PDE4D: variants seen among roughly 807,000 people sequenced by gnomAD.
PDE4D encodes the protein phosphodiesterase 4D.
PDE4D carries 24 observed loss-of-function variants against 87.4 expected under a neutral mutation model. That is an observed-to-expected ratio of 0.27 (90% confidence interval 0.20 to 0.39). PDE4D has a LOEUF of 0.39. Among genes scored for constraint, PDE4D ranks in the 10% least tolerant of loss-of-function variants. PDE4D has a pLI of 1.00. For synonymous variants in PDE4D, 384 were observed against 383.2 expected (o/e 1.00, Z -0.02); for missense variants, 714 against 1,041.0 (o/e 0.69, Z 4.32).
chr5:59,232,844 A>G (rs1343184994), intron 1 of PDE4D, among the ~76,000 whole-genome samples: 1 of 152,068 alleles, frequency 6.6e-6, no homozygotes, highest in East Asian at 1.9e-4. Context: ...ACACATACAC[A>G]TACAATGGAA....
chr5:60,430,322 T>C, intron 1 of PDE4D: 1 of 453,558 alleles, frequency 2.2e-6, no homozygotes, highest in South Asian at 1.7e-5. Context: ...TATTCTTACA[T>C]CATAATCAGT....
intron 1 of PDE4D, among the ~76,000 whole-genome samples, chr5:59,562,294 T>C (rs1282668438): frequency 6.6e-6 from 1 of 152,240 alleles, no homozygotes; most frequent in Non-Finnish European, 1.5e-5. Context: ...TGCTTATTCT[T>C]ATGTTTATAA....
intron 1 of PDE4D, among the ~76,000 whole-genome samples, chr5:60,438,277 T>G (rs970345714): frequency 6.6e-6 from 1 of 152,056 alleles, no homozygotes; most frequent in Non-Finnish European, 1.5e-5. Flanking sequence ...AGCACACAGA[T>G]GAGAAAGAAG....
chr5:60,302,328 T>C (rs982763678), intron 1 of PDE4D, among the ~76,000 whole-genome samples: 6 of 152,226 alleles, frequency 3.9e-5, no homozygotes, highest in Admixed American at 3.9e-4. Flanking sequence ...GGTTACTTAC[T>C]ACTGTCTCAA....
At chr5:59,388,691 C>T (rs1787612817) in intron 1 of PDE4D, among the ~76,000 whole-genome samples, 1 of 138,742 alleles carries the variant, frequency 7.2e-6, no homozygotes. Context: ...AGAAGGAAAT[C>T]CATAATAACA....
intron 1 of PDE4D, among the ~76,000 whole-genome samples, chr5:59,709,759 GAA>G (rs1295656800): frequency 6.6e-6 from 1 of 152,116 alleles, no homozygotes; most frequent in African/African-American, 2.4e-5. Flanking sequence ...TGCTAAATGA[GAA>G]TCGCTGGGTG....
At chr5:59,870,076 A>G (rs1427745787) in intron 1 of PDE4D, among the ~76,000 whole-genome samples, 1 of 152,176 alleles carries the variant, frequency 6.6e-6, no homozygotes, top group African/African-American at 2.4e-5. Context: ...TGTTATCTGG[A>G]ATTTTCCATA....
chr5:59,256,522 T>C (rs988518631), intron 1 of PDE4D, among the ~76,000 whole-genome samples: 1 of 152,076 alleles, frequency 6.6e-6, no homozygotes, highest in African/African-American at 2.4e-5. Context: ...AATTATACCA[T>C]TTGAATTTGA....
chr5:60,200,649 A>G (rs1480310770), intron 1 of PDE4D, among the ~76,000 whole-genome samples: 1 of 152,136 alleles, frequency 6.6e-6, no homozygotes, highest in Non-Finnish European at 1.5e-5. Flanking sequence ...ATAAGATAGA[A>G]ATTTCAGTCC....
chr5:59,369,502 G>A (rs1188152342), intron 1 of PDE4D, among the ~76,000 whole-genome samples: 1 of 152,160 alleles, frequency 6.6e-6, no homozygotes. Flanking sequence ...AGGTGATGGA[G>A]AAGTGGGATA....
intron 3 of PDE4D, among the ~76,000 whole-genome samples, chr5:59,962,467 A>G (rs1759573643): frequency 6.6e-6 from 1 of 152,132 alleles, no homozygotes; most frequent in South Asian, 2.1e-4. Context: ...CAACATACAC[A>G]CCCACAAACA....
intron 1 of PDE4D, among the ~76,000 whole-genome samples, chr5:59,574,011 T>A (rs370559187): frequency 0.041 from 3,252 of 78,404 alleles, 196 homozygotes; most frequent in Admixed American, 0.079. Context: ...AAAAAATATA[T>A]ATATATATAT....
At chr5:60,344,323 T>C (rs1375908497) in intron 1 of PDE4D, among the ~76,000 whole-genome samples, 2 of 152,128 alleles carry the variant, frequency 1.3e-5, no homozygotes, top group African/African-American at 4.8e-5. Flanking sequence ...TATACTTCAG[T>C]CAATAACAAT....
chr5:59,535,074 TGTGG>T lies in PDE4D; in HGVS notation c.456-319110_456-319107del, dbSNP rs377242028. Among the ~76,000 whole-genome samples, 659 of 71,660 alleles carry T rather than the reference TGTGG, an allele frequency of 9.2e-3. 7 individuals are homozygous for T. Among genetic ancestry groups the T allele is most frequent in the African/African-American group, 0.029 (607 of 21,146 alleles). The allele number at this position is 71,660 out of a possible 152,430, so 47.0% of individuals were successfully genotyped here. A position where few individuals can be genotyped will look rare whatever the true frequency, so the allele number is the denominator to read the frequency against. On this transcript the variant is annotated intron_variant, in intron 1 of 14. Coordinates refer to ENST00000340635, the MANE Select transcript of PDE4D (RefSeq NM_001104631.2). ...GTGCTTAGATTGGTGTGTGTGTGTG[TGTGG>T]GGGGGGGGTCCTCTATCATGTATCT...
At chr5:60,286,359 A>G (rs1404331932) in intron 1 of PDE4D, among the ~76,000 whole-genome samples, 1 of 152,194 alleles carries the variant, frequency 6.6e-6, no homozygotes, top group Non-Finnish European at 1.5e-5. Context: ...TTTGACAACA[A>G]TGAAACCAAG....
At chr5:60,127,987 C>A (rs1471136231) in intron 2 of PDE4D, among the ~76,000 whole-genome samples, 1 of 152,084 alleles carries the variant, frequency 6.6e-6, no homozygotes, top group African/African-American at 2.4e-5. Flanking sequence ...AAGAGGAAAA[C>A]TGGGAGATAG....
At chr5:60,291,879 T>A (rs1272048500) in intron 1 of PDE4D, among the ~76,000 whole-genome samples, 1 of 152,208 alleles carries the variant, frequency 6.6e-6, no homozygotes, top group Non-Finnish European at 1.5e-5. Flanking sequence ...AGATGTTCCC[T>A]AATAATTTGT....
In PDE4D at chr5:59,881,427, C is replaced by T. The variant is rs189838411; in HGVS notation, c.455+11741G>A. ...ATCATCATCCTGGCAATCCATGGTG[C>T]CACTTCTTCAATGACTTCCTGTCCT... On this transcript the variant is annotated intron_variant, in intron 1 of 14. Transcript: ENST00000340635. Among the ~76,000 whole-genome samples the T allele has an allele frequency of 5.1e-3, 778 of 152,186 alleles. 9 individuals carry two copies. The highest frequency in any genetic ancestry group is 0.018 in the African/African-American group (749 of 41,548).
chr5:59,029,959 G>A (rs1757026179), intron 6 of PDE4D, among the ~76,000 whole-genome samples: 1 of 152,084 alleles, frequency 6.6e-6, no homozygotes, highest in African/African-American at 2.4e-5. Context: ...TTCAAATAGT[G>A]TTGGGAAAAC....
Sources: gnomAD v4.1 joint callset for allele counts (sites outside exome capture counted in the v4.1 genomes callset) on GRCh38, gnomAD v4.1.1 for gene constraint, MANE v1.5 for transcripts, NCBI Gene and HGNC (gene_info 2026-07-23, HGNC 2026-07-21) for gene names.